CFAP299: variants seen among roughly 807,000 people sequenced by gnomAD.
The protein encoded by CFAP299 is cilia and flagella associated protein 299, also known as cilia- and flagella-associated protein 299.
CFAP299 carries 21 observed loss-of-function variants against 27.0 expected under a neutral mutation model. The ratio of observed to expected loss-of-function variants is 0.78; its 90% confidence interval spans 0.55 to 1.12. The LOEUF (loss-of-function observed/expected upper bound fraction) is 1.12, where lower values mean the gene tolerates loss of function less well. Among genes scored for constraint, CFAP299 ranks in the 50% most tolerant of loss-of-function variants. The pLI, the probability that CFAP299 is intolerant of heterozygous loss-of-function variation, is 0.00. For synonymous variants in CFAP299, 104 were observed against 98.1 expected, an observed-to-expected ratio of 1.06 and a Z score of -0.36; for missense variants, 310 against 276.6, an observed-to-expected ratio of 1.12 and a Z score of -0.86.
chr4:80,717,802 T>G (rs926689048), intron 3 of CFAP299, among the ~76,000 whole-genome samples: 1 of 152,132 alleles, frequency 6.6e-6, no homozygotes, highest in African/African-American at 2.4e-5. Context: ...ATTCTCATTT[T>G]ATCCTCTTAA....
chr4:80,902,586 T>TAC (rs3038572), intron 4 of CFAP299, among the ~76,000 whole-genome samples: 2,641 of 126,620 alleles, frequency 0.021, 42 homozygotes, highest in South Asian at 0.039. Flanking sequence ...ATGTAATATA[T>TAC]ACACACACAC....
In CFAP299 at chr4:80,767,010, C is replaced by T. The variant is rs1047968025; in HGVS notation, c.334-102983C>T. Among the ~76,000 whole-genome samples, 7 of 152,172 alleles carry T rather than the reference C, an allele frequency of 4.6e-5. No homozygotes were observed. In the East Asian group the frequency reaches 1.3e-3, roughly 29 times the overall value. On this transcript the variant is annotated intron_variant, in intron 3 of 5. Transcript: ENST00000358105. ...TAATAAGGTCAAGGCAGCAGTCCCC[C>T]CTTATCCGAAGGATATATTCCAAGA... is the stretch of plus-strand genomic sequence containing the variant.
Position 80,684,288 on chromosome 4 carries a change from G to A in CFAP299, c.333+101105G>A, listed in dbSNP as rs539263176. ...CTTCTTTTTTTTGGGGGGGGGGGAC[G>A]GAGCCTCACTTTGTTGCCCAGGCTG... On this transcript the variant is annotated intron_variant, in intron 3 of 5. Transcript: ENST00000358105. Among the ~76,000 whole-genome samples, 66 of 151,502 alleles carry A rather than the reference G, an allele frequency of 4.4e-4. 1 individual carries two copies. The highest frequency in any genetic ancestry group is 1.3e-3 in the African/African-American group (55 of 41,248).
At chr4:80,684,277 G>GTC (rs1560696430) in intron 3 of CFAP299, among the ~76,000 whole-genome samples, 1 of 142,414 alleles carries the variant, frequency 7.0e-6, no homozygotes, top group African/African-American at 2.8e-5. Flanking sequence ...TTTTTTTTGG[G>GTC]GGGGGGGGAC....
At chr4:80,726,881 G>A (rs1467303686) in intron 3 of CFAP299, among the ~76,000 whole-genome samples, 2 of 151,996 alleles carry the variant, frequency 1.3e-5, no homozygotes, top group Non-Finnish European at 1.5e-5. Context: ...ACAGGTATGT[G>A]TTTATCAATT....
intron 2 of CFAP299, among the ~76,000 whole-genome samples, chr4:80,385,623 C>T (rs1294977663): frequency 6.6e-6 from 1 of 152,158 alleles, no homozygotes; most frequent in Admixed American, 6.5e-5. Flanking sequence ...AAGTGCATGT[C>T]AACTCTTGGA....
intron 2 of CFAP299, among the ~76,000 whole-genome samples, chr4:80,489,527 C>T (rs1731007380): frequency 6.6e-6 from 1 of 152,168 alleles, no homozygotes; most frequent in South Asian, 2.1e-4. Flanking sequence ...CTTCCTCTAT[C>T]TGGGCTACAT....
chr4:80,353,545 G>A (rs1723111865), intron 1 of CFAP299, among the ~76,000 whole-genome samples: 1 of 152,206 alleles, frequency 6.6e-6, no homozygotes, highest in Non-Finnish European at 1.5e-5. Flanking sequence ...AGTAGAAGAT[G>A]GCATTTGAGT....
At chr4:80,330,549 A>T in the CFAP299 span, among the ~76,000 whole-genome samples, 1 of 152,100 alleles carries the variant, frequency 6.6e-6, no homozygotes, top group Admixed American at 6.6e-5. Context: ...ATGGACATTT[A>T]TTCAGAGTCC....
intron 4 of CFAP299, among the ~76,000 whole-genome samples, chr4:80,896,349 A>G (rs1446417956): frequency 6.6e-6 from 1 of 152,164 alleles, no homozygotes; most frequent in African/African-American, 2.4e-5. Flanking sequence ...AAAATGAGTA[A>G]ACGGATTTGT....
At chr4:80,938,229 C>T (rs1737014289) in intron 4 of CFAP299, among the ~76,000 whole-genome samples, 3 of 152,190 alleles carry the variant, frequency 2.0e-5, no homozygotes, top group South Asian at 2.1e-4. Context: ...CATATACTGG[C>T]CCCAAAACGG....
At chr4:80,942,296 C>T (rs1016860605) in intron 4 of CFAP299, among the ~76,000 whole-genome samples, 1 of 152,074 alleles carries the variant, frequency 6.6e-6, no homozygotes, top group Non-Finnish European at 1.5e-5. Context: ...ATGCGTTAGT[C>T]AGTGCAGGCT....
intron 3 of CFAP299, among the ~76,000 whole-genome samples, chr4:80,644,936 A>G (rs1243269011): frequency 1.3e-5 from 2 of 152,168 alleles, no homozygotes; most frequent in East Asian, 3.8e-4. Context: ...CTTATCTTTC[A>G]GCAGCATTAA....
chr4:80,478,378 ATACT>A (rs1406841083), intron 2 of CFAP299, among the ~76,000 whole-genome samples: 1 of 152,128 alleles, frequency 6.6e-6, no homozygotes, highest in African/African-American at 2.4e-5. Flanking sequence ...GCCTTTTATC[ATACT>A]TATATATAAC....
chr4:80,840,497 A>G (rs893421569), intron 3 of CFAP299, among the ~76,000 whole-genome samples: 2 of 152,094 alleles, frequency 1.3e-5, no homozygotes, highest in South Asian at 2.1e-4. Flanking sequence ...AGATAAACAC[A>G]CATTTATTAT....
At chr4:80,879,472 C>T (rs570144386) in intron 4 of CFAP299, among the ~76,000 whole-genome samples, 2 of 152,072 alleles carry the variant, frequency 1.3e-5, no homozygotes, top group South Asian at 2.1e-4. Context: ...CTTTGATTGC[C>T]TGACCATTAC....
At chr4:80,887,196 C>G (rs897407790) in intron 4 of CFAP299, among the ~76,000 whole-genome samples, 2 of 151,998 alleles carry the variant, frequency 1.3e-5, no homozygotes, top group Non-Finnish European at 2.9e-5. Flanking sequence ...ACGTCCCAAA[C>G]CTAGAGAAAT....
At chr4:80,675,027 G>A (rs149776681) in intron 3 of CFAP299, among the ~76,000 whole-genome samples, 1,608 of 152,228 alleles carry the variant, frequency 0.011, 22 homozygotes, top group African/African-American at 0.036. Context: ...ACTTCTATCA[G>A]CTCATCAAAG....
intron 4 of CFAP299, among the ~76,000 whole-genome samples, chr4:80,899,993 G>C (rs1021616306): frequency 1.3e-5 from 2 of 152,138 alleles, no homozygotes; most frequent in African/African-American, 4.8e-5. Flanking sequence ...TCAGTCAAGA[G>C]GTGGTGGTAA....
Sources: allele counts gnomAD v4.1 joint callset (sites outside exome capture counted in the v4.1 genomes callset), GRCh38; gene constraint gnomAD v4.1.1; transcripts MANE v1.5; gene names NCBI Gene and HGNC (gene_info 2026-07-23, HGNC 2026-07-21).